Variants in TEAD4 observed in about 807,000 individuals in gnomAD.
TEAD4 encodes TEA domain transcription factor 4.
In TEAD4, 36 loss-of-function variants were observed where a neutral mutation model predicts 52.4. The observed-to-expected ratio is 0.69, with a 90% CI of 0.53 to 0.91. The LOEUF (loss-of-function observed/expected upper bound fraction) is 0.91. TEAD4 is among the 40% of genes least tolerant of loss of function. The probability of loss-of-function intolerance (pLI) is 0.00; values close to 1 mark genes in which losing one functional copy is unlikely to be tolerated. For missense variants in TEAD4, 508 were observed against 583.9 expected, an observed-to-expected ratio of 0.87 and a Z score of 1.34; for synonymous variants, 220 against 231.0, an observed-to-expected ratio of 0.95 and a Z score of 0.43.
chr12:2,964,157 C>A (rs999919012), intron 2 of TEAD4, among the ~76,000 whole-genome samples: 1 of 152,184 alleles, frequency 6.6e-6, no homozygotes, highest in African/African-American at 2.4e-5. Flanking sequence ...AGCTCCGTGC[C>A]GGTTCTGTGC....
chr12:3,031,418 T>C (rs1179631251), intron 10 of TEAD4, among the ~76,000 whole-genome samples: 3 of 152,184 alleles, frequency 2.0e-5, no homozygotes, highest in Non-Finnish European at 4.4e-5. Context: ...GGAGGTGGCA[T>C]GTCCGGGACC....
intron 2 of TEAD4, among the ~76,000 whole-genome samples, chr12:2,976,460 G>A (rs2098229789): frequency 6.6e-6 from 1 of 152,210 alleles, no homozygotes; most frequent in African/African-American, 2.4e-5. Flanking sequence ...TGCGCTTGGA[G>A]GCTAATTTGC....
At chr12:2,963,851 C>T (rs900816692) in intron 2 of TEAD4, among the ~76,000 whole-genome samples, 3 of 152,166 alleles carry the variant, frequency 2.0e-5, no homozygotes, top group African/African-American at 7.2e-5. Flanking sequence ...GGCCAGGCTC[C>T]CTGTAGCGGG....
At chr12:3,024,827 AAAATTAAAATTT>A (rs558370773) in intron 10 of TEAD4, among the ~76,000 whole-genome samples, 2 of 152,326 alleles carry the variant, frequency 1.3e-5, no homozygotes, top group South Asian at 4.1e-4. Context: ...ACCACCATAT[AAAATTAAAATTT>A]TTTTCCCCCA....
chr12:3,012,335 T>C, intron 5 of TEAD4, 103 bp downstream of exon 5: 1 of 1,294,138 alleles, frequency 7.7e-7, no homozygotes, highest in South Asian at 1.4e-5. Context: ...CAAGTCAGTG[T>C]GCTTTTCTCT....
intron 3 of TEAD4, among the ~76,000 whole-genome samples, chr12:3,007,423 G>T (rs1030248381): frequency 6.6e-5 from 10 of 152,246 alleles, no homozygotes; most frequent in African/African-American, 2.4e-4. Context: ...GTTAGTCCTA[G>T]GTCTGCTGTG....
chr12:2,999,736 C>CGGCCT (rs139365132), intron 3 of TEAD4, among the ~76,000 whole-genome samples: 6,652 of 152,234 alleles, frequency 0.044, 493 homozygotes, highest in African/African-American at 0.15. Flanking sequence ...GGCTCACAGT[C>CGGCCT]GGCCTAGCCT....
chr12:3,015,437 GGGTGAAAT>G (rs2098263735), intron 5 of TEAD4, among the ~76,000 whole-genome samples: 2 of 152,224 alleles, frequency 1.3e-5, no homozygotes, highest in Admixed American at 6.5e-5. Context: ...CATGCCACAT[GGGTGAAAT>G]GGTCACCTTG....
At position 3,021,829 on chromosome 12, in the gene TEAD4, C is replaced by T; in HGVS notation, c.724-15C>T. ...GGCCTGTGCTCCGTCTCCCTCAGACCCACTCTCTCCACAGTACAACAAGCA... is the reference window on the plus strand; with the variant it reads ...GGCCTGTGCTCCGTCTCCCTCAGACTCACTCTCTCCACAGTACAACAAGCA... On this transcript the variant is annotated splice_polypyrimidine_tract_variant and intron_variant, in intron 9 of 12. Transcript: ENST00000359864. 2 of 1,612,442 alleles carry T rather than the reference C, an allele frequency of 1.2e-6. No individual in the cohort carries two copies. Among genetic ancestry groups the T allele is most frequent in the Non-Finnish European group, 1.7e-6 (2 of 1,178,852 alleles).
At chr12:3,015,897 G>T (rs1161258654) in intron 5 of TEAD4, among the ~76,000 whole-genome samples, 11 of 152,134 alleles carry the variant, frequency 7.2e-5, no homozygotes, top group African/African-American at 2.7e-4. Context: ...AAAAATTCAT[G>T]GGTGGGGGCG....
At chr12:3,033,858 G>A (rs1591600566) in intron 10 of TEAD4, among the ~76,000 whole-genome samples, 2 of 146,730 alleles carry the variant, frequency 1.4e-5, no homozygotes, top group African/African-American at 2.7e-5. Context: ...GGATATGAGG[G>A]TGGACAGGAA....
chr12:2,985,946 G>C (rs2098238129), intron 2 of TEAD4, among the ~76,000 whole-genome samples: 1 of 151,976 alleles, frequency 6.6e-6, no homozygotes, highest in Admixed American at 6.5e-5. Context: ...AATTAGCCAG[G>C]CATGGCGGCG....
At chr12:2,966,343 T>C (rs747817487) in intron 2 of TEAD4, among the ~76,000 whole-genome samples, 17 of 152,212 alleles carry the variant, frequency 1.1e-4, no homozygotes, top group Non-Finnish European at 2.4e-4. Context: ...TAGTCCTCTA[T>C]GTTTTCCATA....
chr12:2,966,619 G>A (rs1404498678), intron 2 of TEAD4, among the ~76,000 whole-genome samples: 2 of 151,570 alleles, frequency 1.3e-5, no homozygotes, highest in Non-Finnish European at 2.9e-5. Flanking sequence ...CACCATATTG[G>A]TCAGACTGGT....
At chr12:2,979,567 C>T (rs2153953573) in intron 2 of TEAD4, among the ~76,000 whole-genome samples, 1 of 152,318 alleles carries the variant, frequency 6.6e-6, no homozygotes, top group South Asian at 2.1e-4. Context: ...CATGTGTCCA[C>T]AAATGACTGT....
chr12:2,975,816 CA>C (rs1472074323), intron 2 of TEAD4, among the ~76,000 whole-genome samples: 2 of 152,160 alleles, frequency 1.3e-5, no homozygotes, highest in Non-Finnish European at 2.9e-5. Context: ...CACCGTTCCC[CA>C]AATCCTCCAG....
chr12:3,035,033 G>A (rs868582141), intron 10 of TEAD4, among the ~76,000 whole-genome samples: 13 of 152,060 alleles, frequency 8.5e-5, no homozygotes, highest in African/African-American at 2.7e-4. Context: ...CCCGGCAGGC[G>A]AAGGTTGCAG....
rs374975547 is a variant in TEAD4, at chr12:3,019,985, C to T, written c.584-649C>T. On this transcript the variant is annotated intron_variant, in intron 8 of 12. Transcript: ENST00000359864. Reference sequence around the variant, plus strand: ...TCCTGCAGCAGCCTCTCCACCGGCTCGCTGTCCCGTCTCACCTCCTCTCGT... The same window carrying T: ...TCCTGCAGCAGCCTCTCCACCGGCTTGCTGTCCCGTCTCACCTCCTCTCGT... Among the ~76,000 whole-genome samples, 104 of 152,352 alleles carry T rather than the reference C, an allele frequency of 6.8e-4. No individual in the cohort carries two copies. In the South Asian group the frequency reaches 0.019, roughly 28 times the overall value.
At chr12:2,981,799 T>C (rs2098234280) in intron 2 of TEAD4, among the ~76,000 whole-genome samples, 1 of 152,160 alleles carries the variant, frequency 6.6e-6, no homozygotes, top group Admixed American at 6.6e-5. Flanking sequence ...GTAGTGGGGA[T>C]GCACCTGGAA....
Sources: gnomAD v4.1 joint callset for allele counts (sites outside exome capture counted in the v4.1 genomes callset) on GRCh38, gnomAD v4.1.1 for gene constraint, MANE v1.5 for transcripts, NCBI Gene and HGNC (gene_info 2026-07-23, HGNC 2026-07-21) for gene names.